The following TLN2 variants were observed in gnomAD, a reference collection of about 807,000 sequenced individuals.
TLN2 encodes talin-2.
A neutral mutation model predicts 294.7 loss-of-function variants in TLN2; 118 were observed. The ratio of observed to expected loss-of-function variants is 0.40; its 90% CI spans 0.34 to 0.47. TLN2 has a LOEUF of 0.47. Among genes scored for constraint, TLN2 ranks in the 20% least tolerant of loss-of-function variants. TLN2 has a pLI of 0.84. For missense variants in TLN2, 3,083 were observed against 3,282.2 expected (o/e 0.94, Z 1.48); for synonymous variants, 1,431 against 1,304.5 (o/e 1.10, Z -2.09).
rs562135295 is a variant in TLN2, at chr15:62,467,105, C to T, written c.-238+76420C>T. Among the ~76,000 whole-genome samples, 41 of 152,268 alleles carry T rather than the reference C, an allele frequency of 2.7e-4. 2 individuals carry two copies. In the South Asian group the frequency reaches 7.3e-3, roughly 27 times the overall value. On this transcript the variant is annotated intron_variant, in intron 1 of 58. Transcript: ENST00000636159. ...AAGTTGACCATTGCCTTATGAGTTA[C>T]GGAATGGCTGTGGGTGCCTGTGAAC...
chr15:62,597,121 A>G (rs909508790), intron 2 of TLN2, among the ~76,000 whole-genome samples: 1 of 152,162 alleles, frequency 6.6e-6, no homozygotes, highest in African/African-American at 2.4e-5. Flanking sequence ...CTCAGATGAC[A>G]CAGGCAGCCA....
Position 62,805,229 on chromosome 15 carries a change from A to G in TLN2, c.6478-371A>G, listed in dbSNP as rs896272837. On this transcript the variant is annotated intron_variant, in intron 50 of 58. Transcript: ENST00000636159. ...AAACCAGCACTGGGACTGAGAGTGT[A>G]TGGAACTGCCAAAGCACCAGCAGGG... 2.9e-3 allele frequency among the ~76,000 whole-genome samples: 15 copies of G among 5,086 alleles called. No individual in the cohort carries two copies. The Non-Finnish European group carries it at 0.11, about 36-fold the overall frequency. The allele number at this position is 5,086 out of a possible 152,430, so 3.3% of individuals were successfully genotyped here. A position where few individuals can be genotyped will look rare whatever the true frequency, so the allele number is the denominator to read the frequency against.
At position 62,656,034 on chromosome 15, in the gene TLN2, A is replaced by G; in HGVS notation, c.608A>G (p.Asp203Gly). ...LLLRRKFFYS[D>G]QNVDSRDPVQ... ...CTTAGACGGAAGTTCTTTTACTCTG[A>G]TCAGAATGTAGATTCGAGAGACCCC... Residue 203 changes from aspartate to glycine, a missense_variant, in exon 8 of 59, where the codon GAT becomes GGT. Transcript: ENST00000636159. The G allele has an allele frequency of 6.2e-7, 1 of 1,614,240 alleles. No individual in the cohort carries two copies. Among genetic ancestry groups the G allele is most frequent in the Non-Finnish European group, 8.5e-7 (1 of 1,180,052 alleles).
chr15:62,835,945 G>C lies in TLN2; in HGVS notation c.7246G>C (p.Val2416Leu), dbSNP rs774015869. Residue 2416 changes from valine to leucine, a missense_variant, in exon 57 of 59, where the codon GTT (valine) becomes CTT (leucine). By Grantham distance (32) the Val-to-Leu change is conservative. Transcript: ENST00000636159. ...TCTCTGTGAGGCGGCCAATGCCTCC[G>C]TTCAGGGACACGCCAGCGAGGAGAA... ...SSLCEAANAS[V>L]QGHASEEKLI... 1 of 1,614,200 alleles carries C rather than the reference G, an allele frequency of 6.2e-7. No individual in the cohort carries two copies. Among genetic ancestry groups the C allele is most frequent in the South Asian group, 1.1e-5 (1 of 91,078 alleles).
At chr15:62,519,020 A>G (rs1004128145) in intron 1 of TLN2, among the ~76,000 whole-genome samples, 2 of 152,242 alleles carry the variant, frequency 1.3e-5, no homozygotes, top group Non-Finnish European at 2.9e-5. Flanking sequence ...CTTCACAGCA[A>G]TTCTAAGAGG....
At chr15:62,686,566 A>G in intron 11 of TLN2, 75 bp from the exon 12 acceptor site, 1 of 1,516,598 alleles carries the variant, frequency 6.6e-7, no homozygotes, top group African/African-American at 1.5e-5. Context: ...TGAAAGGTCA[A>G]AAAATCACTG....
chr15:62,502,030 G>A (rs2039336125), intron 1 of TLN2, among the ~76,000 whole-genome samples: 1 of 152,110 alleles, frequency 6.6e-6, no homozygotes, highest in South Asian at 2.1e-4. Context: ...CGCTCTCTTT[G>A]TCCTAAGCCT....
intron 28 of TLN2, among the ~76,000 whole-genome samples, 162 bp downstream of exon 28, chr15:62,727,351 C>T (rs1162431675): frequency 1.3e-5 from 2 of 152,172 alleles, no homozygotes; most frequent in Non-Finnish European, 2.9e-5. Context: ...GGGCTTGATA[C>T]TAAGCACACA....
intron 7 of TLN2, among the ~76,000 whole-genome samples, chr15:62,654,301 A>C (rs373211235): frequency 5.3e-5 from 8 of 152,110 alleles, no homozygotes; most frequent in East Asian, 3.8e-4. Flanking sequence ...TGGAGGCTTG[A>C]ATAGATTTAA....
In TLN2 at chr15:62,795,979, C is replaced by G. The variant is rs953495845; in HGVS notation, c.5884-148C>G. On this transcript the variant is annotated intron_variant, in intron 46 of 58. Coordinates refer to ENST00000636159, the MANE Select transcript of TLN2 (RefSeq NM_015059.3). Reference sequence around the variant, plus strand: ...GGCCTGTAAATGGCAAAGCTGGTATCCAGACTGAGGCCGTTGACTCCAGAT... The same window carrying G: ...GGCCTGTAAATGGCAAAGCTGGTATGCAGACTGAGGCCGTTGACTCCAGAT... 7.8e-6 allele frequency: 8 copies of G among 1,030,890 alleles called. No individual in the cohort carries two copies. The African/African-American group carries it at 1.1e-4, about 15-fold the overall frequency. The allele number at this position is 1,030,890 out of a possible 1,614,324, so 63.9% of individuals were successfully genotyped here. A position where few individuals can be genotyped will look rare whatever the true frequency, so the allele number is the denominator to read the frequency against.
At chr15:62,471,818 T>C (rs1248381332) in intron 1 of TLN2, among the ~76,000 whole-genome samples, 1 of 152,136 alleles carries the variant, frequency 6.6e-6, no homozygotes, top group Non-Finnish European at 1.5e-5. Flanking sequence ...TTCAGTAGTC[T>C]TCCCAAAGGC....
intron 51 of TLN2, among the ~76,000 whole-genome samples, chr15:62,806,971 C>T (rs952809319): frequency 3.9e-5 from 6 of 152,062 alleles, no homozygotes; most frequent in East Asian, 1.9e-4. Context: ...GGGGTGATGA[C>T]GGAATTTGTG....
chr15:62,682,341 C>A (rs2056906374), intron 11 of TLN2, among the ~76,000 whole-genome samples: 1 of 152,144 alleles, frequency 6.6e-6, no homozygotes, highest in South Asian at 2.1e-4. Context: ...ATTCTTAGCT[C>A]TTGGTCCATA....
Position 62,489,297 on chromosome 15 carries a change from CTG to C in TLN2, c.-238+98615_-238+98616del, listed in dbSNP as rs761381480. On this transcript the variant is annotated intron_variant, in intron 1 of 58. Transcript: ENST00000636159. ...TTTGGTATCTTCAATGATTCATAATCTGTGAAAAACCAAACAGGTTACACAAC... is the reference window on the plus strand; with the variant it reads ...TTTGGTATCTTCAATGATTCATAATCTGAAAAACCAAACAGGTTACACAAC... Among the ~76,000 whole-genome samples, 6 of 152,200 alleles carry C rather than the reference CTG, an allele frequency of 3.9e-5. 1 individual carries two copies. Among genetic ancestry groups the C allele is most frequent in the South Asian group, 4.1e-4 (2 of 4,826 alleles).
At chr15:62,451,376 G>A (rs2036136259) in intron 1 of TLN2, among the ~76,000 whole-genome samples, 1 of 152,162 alleles carries the variant, frequency 6.6e-6, no homozygotes, top group Admixed American at 6.5e-5. Flanking sequence ...GGTTGGCTGG[G>A]CTGGGCACAG....
chr15:62,757,877 C>T (rs937969893), intron 37 of TLN2, among the ~76,000 whole-genome samples: 2 of 152,108 alleles, frequency 1.3e-5, no homozygotes, highest in African/African-American at 2.4e-5. Context: ...TTGCTGGGAG[C>T]CATGAGCTTT....
intron 46 of TLN2, 116 bp downstream of exon 46, chr15:62,792,903 G>C (rs1030245297): frequency 5.4e-6 from 8 of 1,480,424 alleles, no homozygotes; most frequent in South Asian, 1.3e-5. Flanking sequence ...TGACTCAGCT[G>C]TCTCATCCCG....
chr15:62,589,864 C>T lies in TLN2; in HGVS notation c.-162+102C>T, dbSNP rs547460524. On this transcript the variant is annotated intron_variant, in intron 2 of 58. Coordinates refer to ENST00000636159, the MANE Select transcript of TLN2 (RefSeq NM_015059.3). ...AAAACTGCTGTCTGTTATGCTGTCT[C>T]GTTTCATCTTCACTGTGGTTTTGCG... The T allele has an allele frequency of 5.3e-5, 8 of 152,322 alleles. No homozygotes were observed. The East Asian group carries it at 5.8e-4, about 11-fold the overall frequency. 9.4% of individuals were successfully genotyped at this position (152,322 alleles called of 1,614,324 possible).
At chr15:62,619,291 A>G (rs1338448014) in intron 3 of TLN2, among the ~76,000 whole-genome samples, 1 of 152,224 alleles carries the variant, frequency 6.6e-6, no homozygotes. Context: ...GAGGCGCTGG[A>G]GAAGCTGCTG....
Sources: gnomAD v4.1 joint callset for allele counts (sites outside exome capture counted in the v4.1 genomes callset) on GRCh38, gnomAD v4.1.1 for gene constraint, MANE v1.5 for transcripts, NCBI Gene and HGNC (gene_info 2026-07-23, HGNC 2026-07-21) for gene names.